Variants in ZFPM2 observed in about 807,000 individuals in gnomAD.
The protein encoded by ZFPM2 is zinc finger protein, FOG family member 2.
A neutral mutation model predicts 98.6 loss-of-function variants in ZFPM2; 20 were observed. The ratio of observed to expected loss-of-function variants is 0.20; its 90% CI spans 0.14 to 0.29. The LOEUF (loss-of-function observed/expected upper bound fraction) is 0.29, where lower values mean the gene tolerates loss of function less well. Ranked by LOEUF, ZFPM2 falls within the 10% of genes least tolerant of loss-of-function variation. The pLI, the probability that ZFPM2 is intolerant of heterozygous loss-of-function variation, is 1.00. For missense variants in ZFPM2, 1,310 were observed against 1,388.6 expected, an observed-to-expected ratio of 0.94 and a Z score of 0.90; for synonymous variants, 518 against 502.7, an observed-to-expected ratio of 1.03 and a Z score of -0.41.
At chr8:105,417,574 CAAAT>C (rs1381450396) in intron 1 of ZFPM2, among the ~76,000 whole-genome samples, 3 of 151,994 alleles carry the variant, frequency 2.0e-5, no homozygotes, top group African/African-American at 7.2e-5. Flanking sequence ...TTGAAATTAT[CAAAT>C]AAATGGTTTA....
chr8:105,539,924 C>T (rs1436684010), intron 3 of ZFPM2, among the ~76,000 whole-genome samples: 1 of 152,238 alleles, frequency 6.6e-6, no homozygotes, highest in African/African-American at 2.4e-5. Flanking sequence ...CTTCATGTAA[C>T]TTTAAAGAGC....
chr8:105,448,947 C>T (rs576625406), intron 3 of ZFPM2, among the ~76,000 whole-genome samples: 4 of 152,066 alleles, frequency 2.6e-5, no homozygotes, highest in South Asian at 4.2e-4. Context: ...ACATCCCTGG[C>T]GATCTTAAGA....
intron 5 of ZFPM2, among the ~76,000 whole-genome samples, chr8:105,661,683 AT>A (rs573902564): frequency 1.4e-3 from 206 of 147,446 alleles, no homozygotes; most frequent in Non-Finnish European, 2.1e-3. Context: ...GGGCTCTGTG[AT>A]TTTTTTTTTT....
At chr8:105,661,948 G>C (rs1417059958) in intron 5 of ZFPM2, among the ~76,000 whole-genome samples, 1 of 151,852 alleles carries the variant, frequency 6.6e-6, no homozygotes, top group Non-Finnish European at 1.5e-5. Flanking sequence ...GGAGAGGCTT[G>C]TTGACAGAGA....
At chr8:105,733,991 T>G (rs1165807668) in intron 5 of ZFPM2, among the ~76,000 whole-genome samples, 2 of 151,892 alleles carry the variant, frequency 1.3e-5, no homozygotes, top group Non-Finnish European at 2.9e-5. Flanking sequence ...AAGATCATTC[T>G]GCCAGCCAAC....
At chr8:105,379,835 TC>T (rs1457635100) in intron 1 of ZFPM2, among the ~76,000 whole-genome samples, 1 of 152,138 alleles carries the variant, frequency 6.6e-6, no homozygotes, top group Non-Finnish European at 1.5e-5. Flanking sequence ...ATATTAATTT[TC>T]TTTTTTGACT....
intron 5 of ZFPM2, among the ~76,000 whole-genome samples, chr8:105,692,629 G>T (rs1447269994): frequency 1.3e-5 from 2 of 152,184 alleles, no homozygotes. Context: ...CAAAGCCAAA[G>T]GGTTGGAATT....
In ZFPM2 at chr8:105,723,903, T is replaced by C. The variant is rs144204557; in HGVS notation, c.533-64815T>C. On this transcript the variant is annotated intron_variant, in intron 5 of 7. Coordinates refer to ENST00000407775, the MANE Select transcript of ZFPM2 (RefSeq NM_012082.4). The stretch of plus-strand genomic sequence containing the variant: ...AAATTGCCCAGACAGATATTCTTTC[T>C]CCTCAATGATTTTTTTAATGACATC... 3.1e-4 allele frequency among the ~76,000 whole-genome samples: 47 copies of C among 151,932 alleles called. No individual in the cohort carries two copies. In the East Asian group the frequency reaches 8.8e-3, roughly 28 times the overall value.
intron 1 of ZFPM2, among the ~76,000 whole-genome samples, chr8:105,329,092 A>C (rs1447196139): frequency 6.6e-6 from 1 of 151,942 alleles, no homozygotes; most frequent in Admixed American, 6.6e-5. Flanking sequence ...CAACTGGGTC[A>C]GATGATAAGA....
At chr8:105,376,222 CTT>C (rs1810722543) in intron 1 of ZFPM2, among the ~76,000 whole-genome samples, 1 of 152,122 alleles carries the variant, frequency 6.6e-6, no homozygotes, top group Non-Finnish European at 1.5e-5. Context: ...ACGTTCTTCT[CTT>C]GAGTTTGGTG....
intron 4 of ZFPM2, among the ~76,000 whole-genome samples, chr8:105,574,923 A>G (rs992083950): frequency 2.0e-5 from 3 of 149,498 alleles, no homozygotes; most frequent in Non-Finnish European, 4.5e-5. Flanking sequence ...AGTACATGTT[A>G]AATTCAGCTC....
At chr8:105,519,374 A>T (rs1363739238) in intron 3 of ZFPM2, among the ~76,000 whole-genome samples, 1 of 152,122 alleles carries the variant, frequency 6.6e-6, no homozygotes, top group Non-Finnish European at 1.5e-5. Flanking sequence ...AATAAGAATT[A>T]TTATTTACAG....
intron 3 of ZFPM2, among the ~76,000 whole-genome samples, chr8:105,484,817 G>C (rs1370212785): frequency 6.6e-6 from 1 of 152,190 alleles, no homozygotes; most frequent in African/African-American, 2.4e-5. Flanking sequence ...TATGGAAATT[G>C]TGGGTGGTTT....
At chr8:105,420,088 G>A (rs1811761632) in intron 2 of ZFPM2, among the ~76,000 whole-genome samples, 1 of 152,064 alleles carries the variant, frequency 6.6e-6, no homozygotes, top group South Asian at 2.1e-4. Flanking sequence ...TCACTTTCTT[G>A]GTTTAGAACA....
intron 3 of ZFPM2, among the ~76,000 whole-genome samples, chr8:105,464,309 T>C (rs1183818325): frequency 6.6e-6 from 1 of 152,070 alleles, no homozygotes; most frequent in East Asian, 1.9e-4. Flanking sequence ...AAATTCTCTT[T>C]AAAAATCAAA....
chr8:105,468,378 CT>C (rs1382200946), intron 3 of ZFPM2, among the ~76,000 whole-genome samples: 2 of 152,048 alleles, frequency 1.3e-5, no homozygotes, highest in Admixed American at 1.3e-4. Context: ...TGTATCAACC[CT>C]CTTTTACAAC....
At chr8:105,373,415 T>C (rs988179982) in intron 1 of ZFPM2, among the ~76,000 whole-genome samples, 2 of 152,198 alleles carry the variant, frequency 1.3e-5, no homozygotes, top group Non-Finnish European at 2.9e-5. Flanking sequence ...AACTTCCATT[T>C]AAGGAGTAAG....
intron 5 of ZFPM2, among the ~76,000 whole-genome samples, chr8:105,650,530 C>T (rs1586174290): frequency 6.6e-6 from 1 of 152,258 alleles, no homozygotes; most frequent in South Asian, 2.1e-4. Flanking sequence ...ATAAATTTTC[C>T]TCTACACACT....
intron 1 of ZFPM2, among the ~76,000 whole-genome samples, chr8:105,382,863 C>T (rs1810914233): frequency 6.6e-6 from 1 of 151,990 alleles, no homozygotes; most frequent in East Asian, 1.9e-4. Flanking sequence ...ATATTTGCAC[C>T]TCATCTTTGA....
Sources: gnomAD v4.1 joint callset for allele counts (sites outside exome capture counted in the v4.1 genomes callset) on GRCh38, gnomAD v4.1.1 for gene constraint, MANE v1.5 for transcripts, NCBI Gene and HGNC (gene_info 2026-07-23, HGNC 2026-07-21) for gene names.